The following PBX4 variants were observed in gnomAD, a reference collection of about 807,000 sequenced individuals.
PBX4 encodes the protein PBX homeobox 4.
Under a neutral mutation model 35.1 loss-of-function variants are expected in PBX4, and 26 were observed. The ratio of observed to expected loss-of-function variants is 0.74; its 90% confidence interval spans 0.54 to 1.03. PBX4 has a LOEUF of 1.03. Ranked by LOEUF, PBX4 falls within the 50% of genes least tolerant of loss-of-function variation. The pLI is 0.00. For missense variants in PBX4, 448 were observed against 504.3 expected, an observed-to-expected ratio of 0.89 and a Z score of 1.07; for synonymous variants, 199 against 204.2, an observed-to-expected ratio of 0.97 and a Z score of 0.22.
In PBX4 at chr19:19,611,621, G is replaced by A. The variant is rs1398023425; in HGVS notation, c.119+6890C>T. 2.0e-5 allele frequency among the ~76,000 whole-genome samples: 3 copies of A among 149,128 alleles called. 1 individual carries two copies. The highest frequency in any genetic ancestry group is 2.5e-5 in the African/African-American group (1 of 40,466). ...TTGAACCCAGGGGGCAGAGGTTGCA[G>A]TGAGCCGAGATCATGCCACTGCATT... On this transcript the variant is annotated intron_variant, in intron 1 of 7. Transcript: ENST00000251203.
intron 1 of PBX4, among the ~76,000 whole-genome samples, chr19:19,615,910 T>C (rs928354553): frequency 2.4e-4 from 37 of 152,170 alleles, no homozygotes; most frequent in African/African-American, 7.7e-4. Flanking sequence ...ACACAATTCA[T>C]TGAAGAACAA....
At chr19:19,574,463 T>C (rs2144722283) in intron 2 of PBX4, among the ~76,000 whole-genome samples, 1 of 152,122 alleles carries the variant, frequency 6.6e-6, no homozygotes, top group Non-Finnish European at 1.5e-5. Context: ...TCTCCCTGAG[T>C]GCCAGGCTGA....
At chr19:19,576,738 T>A (rs2061421903) in intron 2 of PBX4, among the ~76,000 whole-genome samples, 2 of 152,030 alleles carry the variant, frequency 1.3e-5, no homozygotes, top group Non-Finnish European at 1.5e-5. Flanking sequence ...CTGCCTCAGC[T>A]TCCTGAGTAG....
In PBX4 at chr19:19,589,194, C is replaced by T. The variant is rs529584728; in HGVS notation, c.193+10098G>A. Among the ~76,000 whole-genome samples, 16 of 152,098 alleles carry T rather than the reference C, an allele frequency of 1.1e-4. No homozygotes were observed. The South Asian group carries it at 2.3e-3, about 22-fold the overall frequency. ...CTATAGTCCCAGCACGTTGAGAGGT[C>T]GAGGCCGGCGGATCACGAGGTCAGG... On this transcript the variant is annotated intron_variant, in intron 2 of 7. Transcript: ENST00000251203.
intron 2 of PBX4, among the ~76,000 whole-genome samples, chr19:19,573,839 T>A (rs2061402455): frequency 1.3e-5 from 2 of 152,122 alleles, no homozygotes; most frequent in Admixed American, 1.3e-4. Context: ...AAGCAATTCT[T>A]CTGCCTCAGT....
At chr19:19,612,389 T>A (rs980455167) in intron 1 of PBX4, among the ~76,000 whole-genome samples, 1 of 151,998 alleles carries the variant, frequency 6.6e-6, no homozygotes, top group Non-Finnish European at 1.5e-5. Context: ...ACGACTGAGA[T>A]GAAAAATTCC....
chr19:19,616,574 C>T (rs998301145), intron 1 of PBX4, among the ~76,000 whole-genome samples: 4 of 151,966 alleles, frequency 2.6e-5, no homozygotes, highest in Non-Finnish European at 4.4e-5. Flanking sequence ...ACCTTGGCCT[C>T]CCAAAGTGCA....
intron 2 of PBX4, among the ~76,000 whole-genome samples, chr19:19,572,070 C>CTTTTTTTTTT (rs1249792389): frequency 2.9e-5 from 2 of 69,110 alleles, no homozygotes; most frequent in Non-Finnish European, 5.1e-5. Context: ...TAGAATCAGG[C>CTTTTTTTTTT]TTTTTTTTTT....
chr19:19,590,657 C>T (rs192639231), intron 2 of PBX4, among the ~76,000 whole-genome samples: 4 of 152,056 alleles, frequency 2.6e-5, no homozygotes, highest in African/African-American at 7.2e-5. Context: ...TTAGTAGAGA[C>T]GGGGTTTCAC....
intron 3 of PBX4, 127 bp downstream of exon 3, chr19:19,570,459 C>A: frequency 4.7e-6 from 7 of 1,480,358 alleles, no homozygotes; most frequent in Non-Finnish European, 6.4e-6. Context: ...CAATGGACCA[C>A]CTCTGCAGCG....
At chr19:19,565,672 C>G (rs1357408314) in intron 5 of PBX4, among the ~76,000 whole-genome samples, 2 of 152,092 alleles carry the variant, frequency 1.3e-5, no homozygotes, top group Non-Finnish European at 2.9e-5. Flanking sequence ...AATCTCAGCA[C>G]TTTGGGAGGC....
At chr19:19,564,186 C>G (rs1313204997) in intron 6 of PBX4, among the ~76,000 whole-genome samples, 2 of 137,532 alleles carry the variant, frequency 1.5e-5, no homozygotes, top group Admixed American at 1.6e-4. Context: ...TATTCCCCTT[C>G]CTGTGTCCAT....
intron 2 of PBX4, among the ~76,000 whole-genome samples, chr19:19,573,077 G>A (rs1272839120): frequency 6.6e-6 from 1 of 151,926 alleles, no homozygotes; most frequent in Non-Finnish European, 1.5e-5. Flanking sequence ...AGGCCAAGGT[G>A]GGTGGATCAC....
At chr19:19,609,646 C>T (rs962785493) in intron 1 of PBX4, among the ~76,000 whole-genome samples, 1 of 150,526 alleles carries the variant, frequency 6.6e-6, no homozygotes, top group Admixed American at 6.7e-5. Context: ...CTCAGGAGAT[C>T]GAGACCATCC....
intron 2 of PBX4, among the ~76,000 whole-genome samples, chr19:19,575,303 G>A (rs2061413018): frequency 6.6e-6 from 1 of 150,922 alleles, no homozygotes; most frequent in Non-Finnish European, 1.5e-5. Context: ...CCATGAGCGA[G>A]GACAGCCCAC....
intron 6 of PBX4, 58 bp downstream of exon 6, chr19:19,564,875 C>T: frequency 1.2e-6 from 2 of 1,604,454 alleles, no homozygotes; most frequent in Non-Finnish European, 8.5e-7. Context: ...TCCCCAGATG[C>T]AGCTCAGTGG....
chr19:19,572,367 C>T lies in PBX4; in HGVS notation c.194-1534G>A, dbSNP rs1033821941. On this transcript the variant is annotated intron_variant, in intron 2 of 7. Coordinates refer to ENST00000251203, the MANE Select transcript of PBX4 (RefSeq NM_025245.3). ...GGATTACAGGCATGACCCACCGTAC[C>T]GGGCCAGAATCAGGCTATCTTAATA... is the stretch of plus-strand genomic sequence containing the variant. 5.9e-5 allele frequency among the ~76,000 whole-genome samples: 9 copies of T among 151,950 alleles called. No homozygotes were observed. In the South Asian group the frequency reaches 6.2e-4, roughly 11 times the overall value.
rs2061314783 is a variant in PBX4, at chr19:19,562,649, C to A, written c.1033-532G>T. On this transcript the variant is annotated intron_variant, in intron 7 of 7. Coordinates refer to ENST00000251203, the MANE Select transcript of PBX4 (RefSeq NM_025245.3). The surrounding 1 kb of genome is among the most constrained non-coding windows in gnomAD (Gnocchi z 4.8). Reference sequence around the variant, plus strand: ...GACGTTTGTCCACAGGACCCACCCCCACTATGGTGGGCACGGTACAGGTTA... The same window carrying A: ...GACGTTTGTCCACAGGACCCACCCCAACTATGGTGGGCACGGTACAGGTTA... Among the ~76,000 whole-genome samples, 1 of 152,174 alleles carries A rather than the reference C, an allele frequency of 6.6e-6. No individual in the cohort carries two copies. Among genetic ancestry groups the A allele is most frequent in the African/African-American group, 2.4e-5 (1 of 41,442 alleles).
intron 5 of PBX4, among the ~76,000 whole-genome samples, chr19:19,567,615 G>T (rs1471919869): frequency 6.6e-6 from 1 of 152,178 alleles, no homozygotes; most frequent in Non-Finnish European, 1.5e-5. Context: ...TGCCACGGGG[G>T]TATGGCCTGG....
Sources: gnomAD v4.1 joint callset for allele counts (sites outside exome capture counted in the v4.1 genomes callset) on GRCh38, gnomAD v4.1.1 for gene constraint, Gnocchi (gnomAD v3.1) non-coding constraint, MANE v1.5 for transcripts, NCBI Gene and HGNC (gene_info 2026-07-23, HGNC 2026-07-21) for gene names.